Variants in NCR2 observed in about 807,000 individuals in gnomAD.
NCR2 encodes natural cytotoxicity triggering receptor 2, also known as NK cell activating receptor (NKp44).
Under a neutral mutation model 30.7 loss-of-function variants are expected in NCR2, and 35 were observed. The ratio of observed to expected loss-of-function variants is 1.14; its 90% CI spans 0.87 to 1.51. The LOEUF is 1.51. Ranked by LOEUF, NCR2 falls within the 40% of genes most tolerant of loss-of-function variation. The pLI is 0.00. For synonymous variants in NCR2, 146 were observed against 134.8 expected (o/e 1.08, Z -0.58); for missense variants, 316 against 328.9 (o/e 0.96, Z 0.30).
chr6:41,344,726 C>T (rs781290372), intron 4 of NCR2, among the ~76,000 whole-genome samples: 11 of 152,176 alleles, frequency 7.2e-5, no homozygotes, highest in Non-Finnish European at 1.6e-4. Context: ...TCCAAGTGCC[C>T]ATCATATCTT....
Position 41,350,831 on chromosome 6 carries a change from G to A in NCR2, c.798G>A (p.Lys266=), listed in dbSNP as rs1581667869. 1 of 938,176 alleles carries A rather than the reference G, an allele frequency of 1.1e-6. No individual in the cohort carries two copies. The highest frequency in any genetic ancestry group is 1.8e-6 in the Non-Finnish European group (1 of 567,280). The allele number at this position is 938,176 out of a possible 1,614,324, so 58.1% of individuals were successfully genotyped here. ...EILYHTVART[K]ISDDDDEHTL is the part of the protein sequence containing the mutation. ...TATATCACACTGTTGCAAGGACTAA[G>A]ATAAGCGATGATGATGATGAACACA... is the stretch of plus-strand genomic sequence containing the variant. The change falls in exon 5 of 5, where the codon AAG becomes AAA. Residue 266 remains lysine (K), a synonymous_variant. Coordinates refer to ENST00000373089, the MANE Select transcript of NCR2 (RefSeq NM_004828.4).
At chr6:41,344,010 A>G (rs971485432) in intron 4 of NCR2, among the ~76,000 whole-genome samples, 3 of 151,658 alleles carry the variant, frequency 2.0e-5, no homozygotes, top group African/African-American at 7.3e-5. Context: ...GGCCTCTCCT[A>G]TTGTGCCTCC....
intron 4 of NCR2, among the ~76,000 whole-genome samples, chr6:41,348,152 C>G (rs925567830): frequency 6.6e-6 from 1 of 152,162 alleles, no homozygotes; most frequent in Non-Finnish European, 1.5e-5. Context: ...TTTAAAACCA[C>G]CACAGTACTT....
intron 4 of NCR2, among the ~76,000 whole-genome samples, chr6:41,343,436 C>T (rs987546640): frequency 1.3e-5 from 2 of 152,296 alleles, no homozygotes; most frequent in Non-Finnish European, 2.9e-5. Flanking sequence ...GCCATGATCA[C>T]GCCACTGCAC....
chr6:41,338,754 A>G lies in NCR2; in HGVS notation c.394+2326A>G, dbSNP rs137934904. 2.6e-5 allele frequency among the ~76,000 whole-genome samples: 4 copies of G among 152,350 alleles called. No homozygotes were observed. The East Asian group carries it at 7.7e-4, about 29-fold the overall frequency. On this transcript the variant is annotated intron_variant, in intron 2 of 4. Coordinates refer to ENST00000373089, the MANE Select transcript of NCR2 (RefSeq NM_004828.4). ...TATTTGTTCTAGGAGATGGTCATCC[A>G]TCTTGTTATCCAATTCCTGAATATG... is the stretch of plus-strand genomic sequence containing the variant.
chr6:41,342,864 C>A, intron 4 of NCR2: 2 of 1,478,602 alleles, frequency 1.4e-6, no homozygotes, highest in South Asian at 1.2e-5. Flanking sequence ...GGGAAAGGGA[C>A]AGGGTGTGAG....
At chr6:41,342,949 G>T in intron 4 of NCR2, 1 of 1,550,582 alleles carries the variant, frequency 6.4e-7, no homozygotes, top group South Asian at 1.2e-5. Context: ...GCAGCATCAA[G>T]GGAGGTCTCT....
intron 4 of NCR2, chr6:41,343,020 A>C (rs2114058623): frequency 6.4e-7 from 1 of 1,550,402 alleles, no homozygotes; most frequent in Non-Finnish European, 8.7e-7. Context: ...GCCACAGGGC[A>C]CCAGGTGGGC....
At chr6:41,337,836 A>G (rs1212283910) in intron 2 of NCR2, among the ~76,000 whole-genome samples, 2 of 152,228 alleles carry the variant, frequency 1.3e-5, no homozygotes, top group Non-Finnish European at 2.9e-5. Context: ...TAAAACTTAT[A>G]GTTTAAATTA....
At chr6:41,349,889 G>T (rs1769387772) in intron 4 of NCR2, among the ~76,000 whole-genome samples, 1 of 152,102 alleles carries the variant, frequency 6.6e-6, no homozygotes, top group African/African-American at 2.4e-5. Flanking sequence ...TCAAGTCCCA[G>T]CTCCCTCATG....
Position 41,342,096 on chromosome 6 carries a change from C to G in NCR2, c.591C>G (p.Phe197Leu), listed in dbSNP as rs1261957154. ...CCCCCATTGCCCTGGTGCCTGTGTTCTGTGGACTCCTCGTAGCCAAGAGCC... is the reference window on the plus strand; with the variant it reads ...CCCCCATTGCCCTGGTGCCTGTGTTGTGTGGACTCCTCGTAGCCAAGAGCC... ...PAAPIALVPV[F>L]CGLLVAKSLV... is the part of the protein sequence containing the mutation. Residue 197 changes from phenylalanine to leucine, a missense_variant, in exon 4 of 5, where the codon TTC (phenylalanine) becomes TTG (leucine). Phe to Leu is a conservative substitution (Grantham distance 22). Transcript: ENST00000373089. 2.5e-6 allele frequency: 4 copies of G among 1,613,780 alleles called. No individual in the cohort carries two copies. The highest frequency in any genetic ancestry group is 3.4e-6 in the Non-Finnish European group (4 of 1,180,012).
At chr6:41,348,727 C>T (rs967458990) in intron 4 of NCR2, among the ~76,000 whole-genome samples, 2 of 152,080 alleles carry the variant, frequency 1.3e-5, no homozygotes, top group Non-Finnish European at 2.9e-5. Flanking sequence ...AGATTTTATG[C>T]TATTTCTGTT....
At position 41,336,400 on chromosome 6, in the gene NCR2, C is replaced by A. The variant is rs771154603; in HGVS notation, c.366C>A (p.Ser122=). 3 of 1,613,778 alleles carry A rather than the reference C, an allele frequency of 1.9e-6. No individual in the cohort carries two copies. Among genetic ancestry groups the A allele is most frequent in the Non-Finnish European group, 2.5e-6 (3 of 1,179,842 alleles). ...YRPSDNSVSK[S]VRFYLVVSPA... ...CTTCTGACAACTCTGTCTCTAAGTC[C>A]GTCAGATTCTATCTGGTGGTATCTC... The change falls in exon 2 of 5, where the codon TCC becomes TCA. Residue 122 remains serine (S), a synonymous_variant. Coordinates refer to ENST00000373089, the MANE Select transcript of NCR2 (RefSeq NM_004828.4).
chr6:41,336,083 C>T lies in NCR2; in HGVS notation c.53-4C>T. 4.3e-6 allele frequency: 7 copies of T among 1,611,182 alleles called. No homozygotes were observed. The highest frequency in any genetic ancestry group is 5.9e-6 in the Non-Finnish European group (7 of 1,178,194). On this transcript the variant is annotated splice_region_variant and splice_polypyrimidine_tract_variant and intron_variant, in intron 1 of 4. Transcript: ENST00000373089. ...GACCTATGCGTTACTTCATCATTCT[C>T]CAGGCTCTCAGGCACAATCCAAGGC...
chr6:41,350,181 T>G (rs964341702), intron 4 of NCR2, among the ~76,000 whole-genome samples: 10 of 152,208 alleles, frequency 6.6e-5, no homozygotes, highest in African/African-American at 2.4e-4. Flanking sequence ...AAAACAGAAC[T>G]GATAACACAC....
chr6:41,341,690 G>C, intron 2 of NCR2, 104 bp from the exon 3 acceptor site: 1 of 1,408,746 alleles, frequency 7.1e-7, no homozygotes, highest in Non-Finnish European at 9.6e-7. Context: ...TGGGCGCATG[G>C]GCTCTGTTCC....
chr6:41,341,117 C>T (rs578081974), intron 2 of NCR2, among the ~76,000 whole-genome samples: 3 of 152,272 alleles, frequency 2.0e-5, no homozygotes, highest in Admixed American at 6.5e-5. Context: ...TCTTTTCCTT[C>T]GCCACCCCAC....
Position 41,336,175 on chromosome 6 carries a change from T to C in NCR2, c.141T>C (p.Ser47=), listed in dbSNP as rs1185026907. The change falls in exon 2 of 5, where the codon AGT becomes AGC. Residue 47 remains serine (S), a synonymous_variant. Transcript: ENST00000373089. ...GATGCCAGTACCCGCCCACGGGCAGTCTCTACGAGAAGAAAGGCTGGTGTA... is the reference window on the plus strand; with the variant it reads ...GATGCCAGTACCCGCCCACGGGCAGCCTCTACGAGAAGAAAGGCTGGTGTA... The part of the protein sequence containing the change: ...TVRCQYPPTG[S]LYEKKGWCKE... 2 of 1,614,008 alleles carry C rather than the reference T, an allele frequency of 1.2e-6. No homozygotes were observed.
At chr6:41,345,481 A>AG (rs1769279256) in intron 4 of NCR2, among the ~76,000 whole-genome samples, 2 of 152,128 alleles carry the variant, frequency 1.3e-5, no homozygotes, top group South Asian at 2.1e-4. Flanking sequence ...GGCAAGAGTG[A>AG]GGAGGGACCC....
Sources: allele counts gnomAD v4.1 joint callset (sites outside exome capture counted in the v4.1 genomes callset), GRCh38; gene constraint gnomAD v4.1.1; transcripts MANE v1.5; gene names NCBI Gene and HGNC (gene_info 2026-07-23, HGNC 2026-07-21).